Variants in BIRC6 observed in about 807,000 individuals in gnomAD.
BIRC6 encodes the protein dual E2 ubiquitin-conjugating enzyme/E3 ubiquitin-protein ligase BIRC6.
A neutral mutation model predicts 503.3 loss-of-function variants in BIRC6; 98 were observed. That is an observed-to-expected ratio of 0.19 (90% CI 0.17 to 0.23). The LOEUF (loss-of-function observed/expected upper bound fraction) is 0.23. Ranked by LOEUF, BIRC6 falls within the 10% of genes least tolerant of loss-of-function variation. The pLI, the probability that BIRC6 is intolerant of heterozygous loss-of-function variation, is 1.00. For synonymous variants in BIRC6, 2,240 were observed against 2,078.7 expected, an observed-to-expected ratio of 1.08 and a Z score of -2.11; for missense variants, 5,360 against 5,806.0, an observed-to-expected ratio of 0.92 and a Z score of 2.50.
chr2:32,485,547 C>A, intron 39 of BIRC6, 96 bp from the exon 40 acceptor site: 1 of 753,114 alleles, frequency 1.3e-6, no homozygotes. Context: ...CACTCTTCAT[C>A]CTCTCTTGGG....
At position 32,502,203 on chromosome 2, in the gene BIRC6, A is replaced by G. The variant is rs538451085; in HGVS notation, c.9207+315A>G. Reference sequence around the variant, plus strand: ...ATAGTGTAATACTGAGGTGTTCTCCATAGATGTTATGTAAGAAGAAGTAAT... The same window carrying G: ...ATAGTGTAATACTGAGGTGTTCTCCGTAGATGTTATGTAAGAAGAAGTAAT... On this transcript the variant is annotated intron_variant, in intron 47 of 73. Coordinates refer to ENST00000421745, the MANE Select transcript of BIRC6 (RefSeq NM_016252.4). 1.0e-3 allele frequency among the ~76,000 whole-genome samples: 152 copies of G among 152,278 alleles called. 2 individuals are homozygous for G. The highest frequency in any genetic ancestry group is 3.4e-3 in the African/African-American group (142 of 41,568).
chr2:32,564,800 C>T (rs1030517318), intron 65 of BIRC6: 4 of 152,222 alleles, frequency 2.6e-5, no homozygotes, highest in Non-Finnish European at 4.4e-5. Context: ...CCCCTCACCC[C>T]GCTAGGAAGG....
At chr2:32,519,922 C>T (rs114250722) in intron 57 of BIRC6, among the ~76,000 whole-genome samples, 2,746 of 152,268 alleles carry the variant, frequency 0.018, 44 homozygotes, top group Non-Finnish European at 0.028. Context: ...ATAATTTGTC[C>T]TAAGATTATA....
At position 32,511,201 on chromosome 2, in the gene BIRC6, CTTTTTTTTTTTTTTT is replaced by C; in HGVS notation, c.10346+580_10346+594del. ...TTTAGTGATTTTTTTCTTTTCTTTT[CTTTTTTTTTTTTTTT>C]TTTTTTTTTTTTACATTTAGGTAAT... On this transcript the variant is annotated intron_variant, in intron 53 of 73. Transcript: ENST00000421745. Among the ~76,000 whole-genome samples, 18 of 48,582 alleles carry C rather than the reference CTTTTTTTTTTTTTTT, an allele frequency of 3.7e-4. No individual in the cohort carries two copies. In the Admixed American group the frequency reaches 4.2e-3, roughly 11 times the overall value. 31.9% of individuals were successfully genotyped at this position (48,582 alleles called of 152,430 possible).
chr2:32,514,427 A>G (rs1367601009), intron 54 of BIRC6, among the ~76,000 whole-genome samples: 1 of 152,224 alleles, frequency 6.6e-6, no homozygotes, highest in Non-Finnish European at 1.5e-5. Context: ...ATATTTAGCT[A>G]AGTCTTTGCT....
In BIRC6 at chr2:32,575,384, C is replaced by G; in HGVS notation, c.13355+18C>G. On this transcript the variant is annotated intron_variant, in intron 66 of 73. Coordinates refer to ENST00000421745, the MANE Select transcript of BIRC6 (RefSeq NM_016252.4). ...CGTTTAAGGTACTATATACAATGTT[C>G]ATTTCTCTTGAGTTTGCCTCTAACA... 1 of 1,606,144 alleles carries G rather than the reference C, an allele frequency of 6.2e-7. No homozygotes were observed. The highest frequency in any genetic ancestry group is 8.5e-7 in the Non-Finnish European group (1 of 1,173,050).
intron 28 of BIRC6, among the ~76,000 whole-genome samples, 163 bp downstream of exon 28, chr2:32,468,274 T>C (rs1433107963): frequency 1.3e-5 from 2 of 152,230 alleles, no homozygotes; most frequent in Non-Finnish European, 2.9e-5. Flanking sequence ...CGTGAAAATA[T>C]TGTGATTAAT....
At chr2:32,517,387 C>G (rs1417312131) in intron 55 of BIRC6, among the ~76,000 whole-genome samples, 1 of 152,126 alleles carries the variant, frequency 6.6e-6, no homozygotes, top group Non-Finnish European at 1.5e-5. Flanking sequence ...AGATATTTAA[C>G]TGCCTGTAGT....
chr2:32,465,019 A>G (rs1238891427), intron 25 of BIRC6, 46 bp from the exon 26 acceptor site: 1 of 1,347,606 alleles, frequency 7.4e-7, no homozygotes, highest in East Asian at 2.5e-5. Flanking sequence ...ATAGAACTAT[A>G]GTAATATCAA....
chr2:32,543,245 G>A lies in BIRC6; in HGVS notation c.12296G>A (p.Ser4099Asn). 2 of 1,612,838 alleles carry A rather than the reference G, an allele frequency of 1.2e-6. No individual in the cohort carries two copies. The highest frequency in any genetic ancestry group is 1.7e-6 in the Non-Finnish European group (2 of 1,178,932). Reference sequence around the variant, plus strand: ...AACACTTTTCTTTTTCTTTAGGTGAGTGCTCCAGTTGTAACATCTACCACT... The same window carrying A: ...AACACTTTTCTTTTTCTTTAGGTGAATGCTCCAGTTGTAACATCTACCACT... Reference protein sequence around the residue: ...MLYPEVIQQVSAPVVTSTTQE... With the variant: ...MLYPEVIQQVNAPVVTSTTQE... Residue 4099 changes from serine (S) to asparagine (N), a missense_variant, in exon 62 of 74, where the codon AGT becomes AAT. Transcript: ENST00000421745.
intron 10 of BIRC6, among the ~76,000 whole-genome samples, chr2:32,418,213 G>C (rs1363189084): frequency 2.0e-5 from 3 of 152,204 alleles, no homozygotes; most frequent in African/African-American, 7.2e-5. Context: ...AATTACAGTT[G>C]AGAATTTCAG....
intron 46 of BIRC6, among the ~76,000 whole-genome samples, chr2:32,500,446 C>T (rs1437533436): frequency 6.7e-6 from 1 of 149,022 alleles, no homozygotes; most frequent in African/African-American, 2.5e-5. Flanking sequence ...TACCCCGAGC[C>T]AGAGTCTTGC....
chr2:32,466,268 G>A (rs978355879), intron 26 of BIRC6, among the ~76,000 whole-genome samples: 3 of 152,136 alleles, frequency 2.0e-5, no homozygotes, highest in African/African-American at 7.2e-5. Context: ...GGAAGAAAAA[G>A]AATTATGACA....
At chr2:32,396,109 T>C (rs2039846837) in intron 6 of BIRC6, among the ~76,000 whole-genome samples, 2 of 152,186 alleles carry the variant, frequency 1.3e-5, no homozygotes. Flanking sequence ...AATAGTATAT[T>C]ATTATAGCAA....
intron 29 of BIRC6, 65 bp downstream of exon 29, chr2:32,468,848 T>C: frequency 1.6e-6 from 2 of 1,216,860 alleles, no homozygotes; most frequent in Non-Finnish European, 2.3e-6. Context: ...GCTGCATGTT[T>C]TAGGATCTGT....
intron 16 of BIRC6, among the ~76,000 whole-genome samples, chr2:32,440,014 G>A (rs533286081): frequency 1.3e-5 from 2 of 152,264 alleles, no homozygotes; most frequent in Non-Finnish European, 2.9e-5. Context: ...TAGTAGCTGG[G>A]ATCACAGGCG....
At chr2:32,489,078 TAGTC>T (rs1382444778) in intron 42 of BIRC6, among the ~76,000 whole-genome samples, 1 of 152,108 alleles carries the variant, frequency 6.6e-6, no homozygotes, top group Non-Finnish European at 1.5e-5. Flanking sequence ...CTGGAGGAGT[TAGTC>T]AGCTGGAGAA....
chr2:32,593,823 G>A (rs1207216572), intron 66 of BIRC6, 92 bp from the exon 67 acceptor site: 9 of 1,105,532 alleles, frequency 8.1e-6, no homozygotes, highest in Non-Finnish European at 1.2e-5. Flanking sequence ...CAAATGAAAT[G>A]CACACACTCA....
At chr2:32,500,605 TG>T (rs374389692) in intron 46 of BIRC6, among the ~76,000 whole-genome samples, 7 of 109,958 alleles carry the variant, frequency 6.4e-5, no homozygotes, top group South Asian at 3.4e-4. Flanking sequence ...TTTTTGTTTT[TG>T]TTTTTTTTTT....
Sources: gnomAD v4.1 joint callset for allele counts (sites outside exome capture counted in the v4.1 genomes callset) on GRCh38, gnomAD v4.1.1 for gene constraint, MANE v1.5 for transcripts, NCBI Gene and HGNC (gene_info 2026-07-23, HGNC 2026-07-21) for gene names.